Variants in SFI1 observed in about 807,000 individuals in gnomAD.
The protein encoded by SFI1 is SFI1 centrin binding protein.
Under a neutral mutation model 207.5 loss-of-function variants are expected in SFI1, and 195 were observed. The ratio of observed to expected loss-of-function variants is 0.94; its 90% confidence interval spans 0.84 to 1.06. The LOEUF (loss-of-function observed/expected upper bound fraction) is 1.06, where lower values mean the gene tolerates loss of function less well. SFI1 is among the 50% of genes least tolerant of loss of function. The pLI is 0.00. For synonymous variants in SFI1, 630 were observed against 598.9 expected, an observed-to-expected ratio of 1.05 and a Z score of -0.76; for missense variants, 1,634 against 1,588.0, an observed-to-expected ratio of 1.03 and a Z score of -0.49.
chr22:31,544,729 T>C (rs1160816298), intron 4 of SFI1, among the ~76,000 whole-genome samples: 2 of 152,156 alleles, frequency 1.3e-5, no homozygotes, highest in Non-Finnish European at 2.9e-5. Flanking sequence ...CATTCCAGCC[T>C]GGGCAACAGA....
chr22:31,607,441 A>G (rs931713538), intron 21 of SFI1, among the ~76,000 whole-genome samples: 28 of 152,026 alleles, frequency 1.8e-4, no homozygotes, highest in African/African-American at 6.5e-4. Context: ...CGTCTCTACT[A>G]AAAATACAGA....
In SFI1 at chr22:31,531,092, C is replaced by T. The variant is rs1461782109; in HGVS notation, c.301C>T (p.Arg101Ter). ...CAGAAAGTTCTTATATTTATGGATT[C>T]GAATGACTTTTGGAAGAGTATTTCC... Reference protein sequence around the residue: ...VARKFLYLWIRMTFGRVFPSK... With the variant: ...VARKFLYLWI The change falls in exon 4 of 33, where the codon CGA becomes TGA. Residue 101 changes from arginine to a stop codon, truncating the protein, a stop_gained. Coordinates refer to ENST00000400288, the MANE Select transcript of SFI1 (RefSeq NM_001007467.3). LOFTEE classifies it high-confidence loss of function. The T allele has an allele frequency of 3.1e-6, 5 of 1,613,518 alleles. No individual in the cohort carries two copies. The Admixed American group carries it at 5.0e-5, about 16-fold the overall frequency.
intron 20 of SFI1, 193 bp from the exon 21 acceptor site, chr22:31,606,135 C>A: frequency 1.7e-6 from 1 of 597,862 alleles, no homozygotes; most frequent in Non-Finnish European, 3.0e-6. Context: ...TGGTGCCCAG[C>A]CCAGAGCAGC....
In SFI1 at chr22:31,528,952, A is replaced by G; in HGVS notation, c.266+89A>G. 3.8e-6 allele frequency: 5 copies of G among 1,328,356 alleles called. No homozygotes were observed. In the South Asian group the frequency reaches 5.5e-5, roughly 15 times the overall value. The allele number at this position is 1,328,356 out of a possible 1,614,324, so 82.3% of individuals were successfully genotyped here. Reference sequence around the variant, plus strand: ...ATGGGGGAATGATTCTTATTCTTCCACCGCAATTAGTGGGAGATCTTGATG... The same window carrying G: ...ATGGGGGAATGATTCTTATTCTTCCGCCGCAATTAGTGGGAGATCTTGATG... On this transcript the variant is annotated intron_variant, in intron 3 of 32. Transcript: ENST00000400288.
At chr22:31,562,626 GT>G (rs1017409100) in intron 8 of SFI1, among the ~76,000 whole-genome samples, 3 of 137,078 alleles carry the variant, frequency 2.2e-5, no homozygotes, top group Non-Finnish European at 4.7e-5. Flanking sequence ...TTAGAGCCAG[GT>G]TTTTTTATTT....
Position 31,583,976 on chromosome 22 carries a change from G to A in SFI1, c.1346+4G>A. The A allele has an allele frequency of 6.2e-7, 1 of 1,612,216 alleles. No individual in the cohort carries two copies. The highest frequency in any genetic ancestry group is 8.5e-7 in the Non-Finnish European group (1 of 1,178,458). ...ATGCTGCCTGGGACCACTACAGGTAGGGACTCTGGTTTCATCCCTGGCTCT... is the reference window on the plus strand; with the variant it reads ...ATGCTGCCTGGGACCACTACAGGTAAGGACTCTGGTTTCATCCCTGGCTCT... On this transcript the variant is annotated splice_donor_region_variant and intron_variant, in intron 13 of 32. Coordinates refer to ENST00000400288, the MANE Select transcript of SFI1 (RefSeq NM_001007467.3).
chr22:31,599,101 C>CT (rs572663534), intron 15 of SFI1, among the ~76,000 whole-genome samples: 35 of 149,114 alleles, frequency 2.3e-4, no homozygotes, highest in East Asian at 6.1e-4. Context: ...CCAATTTATC[C>CT]TTTTTTTTTA....
intron 15 of SFI1, among the ~76,000 whole-genome samples, chr22:31,600,019 A>C (rs1347831297): frequency 6.6e-6 from 1 of 151,920 alleles, no homozygotes; most frequent in Non-Finnish European, 1.5e-5. Context: ...CACCACCCCC[A>C]ACCAGTGGTA....
chr22:31,564,056 G>A (rs893618087), intron 8 of SFI1, among the ~76,000 whole-genome samples: 4 of 151,672 alleles, frequency 2.6e-5, no homozygotes, highest in Admixed American at 6.6e-5. Context: ...GGCCAGGCGC[G>A]GTGGCTCACA....
At chr22:31,548,357 G>A (rs988171614) in intron 5 of SFI1, among the ~76,000 whole-genome samples, 3 of 151,680 alleles carry the variant, frequency 2.0e-5, no homozygotes, top group East Asian at 1.9e-4. Context: ...ATCACTTGAC[G>A]TTAGGAGTTC....
At chr22:31,589,191 A>T (rs932563280) in intron 14 of SFI1, among the ~76,000 whole-genome samples, 17 of 120,008 alleles carry the variant, frequency 1.4e-4, no homozygotes, top group African/African-American at 5.4e-4. Flanking sequence ...AGAGTGAGTG[A>T]GAGTGTGTGT....
Position 31,561,307 on chromosome 22 carries a change from G to C in SFI1, c.680G>C (p.Trp227Ser). The change falls in exon 8 of 33, where the codon TGG (tryptophan) becomes TCG (serine). Residue 227 changes from tryptophan to serine, a missense_variant. Transcript: ENST00000400288. Reference protein sequence around the residue: ...RIILRVWWSTWRQRLGQVRVS... With the variant: ...RIILRVWWSTSRQRLGQVRVS... Reference sequence around the variant, plus strand: ...TTTCACAGGGTGTGGTGGAGCACGTGGAGGCAGCGACTAGGACAGGTCCGT... The same window carrying C: ...TTTCACAGGGTGTGGTGGAGCACGTCGAGGCAGCGACTAGGACAGGTCCGT... The C allele has an allele frequency of 6.2e-7, 1 of 1,614,044 alleles. No individual in the cohort carries two copies. Among genetic ancestry groups the C allele is most frequent in the East Asian group, 2.2e-5 (1 of 44,886 alleles).
chr22:31,589,025 ATATAT>A (rs1444316425), intron 14 of SFI1, among the ~76,000 whole-genome samples: 1 of 152,154 alleles, frequency 6.6e-6, no homozygotes, highest in Non-Finnish European at 1.5e-5. Flanking sequence ...AAATCAAAAG[ATATAT>A]TATGGGGTGG....
At chr22:31,592,980 G>GGGGGCTGACCCCCCCACCT (rs1259681162) in intron 15 of SFI1, among the ~76,000 whole-genome samples, 3 of 124,434 alleles carry the variant, frequency 2.4e-5, no homozygotes, top group Non-Finnish European at 3.4e-5. Flanking sequence ...TGGCCGGGCG[G>GGGGGCTGACCCCCCCACCT]GGGGCTGACC....
chr22:31,573,494 G>A (rs2063163909), intron 9 of SFI1, among the ~76,000 whole-genome samples: 2 of 150,392 alleles, frequency 1.3e-5, no homozygotes, highest in East Asian at 2.0e-4. Context: ...CTGGAGTGCA[G>A]TGGCGCAATC....
At position 31,614,616 on chromosome 22, in the gene SFI1, G is replaced by A. The variant is rs367975035; in HGVS notation, c.2997-173G>A. ...AGTCCCCTGGCGTCAGGTACCTTTT[G>A]TCGGAACTGCTGGGAGCTCTATGGC... is the stretch of plus-strand genomic sequence containing the variant. On this transcript the variant is annotated intron_variant, in intron 27 of 32. Transcript: ENST00000400288. 16 of 736,558 alleles carry A rather than the reference G, an allele frequency of 2.2e-5. No individual in the cohort carries two copies. In the East Asian group the frequency reaches 3.2e-4, roughly 15 times the overall value. The allele number at this position is 736,558 out of a possible 1,614,324, so 45.6% of individuals were successfully genotyped here.
intron 15 of SFI1, among the ~76,000 whole-genome samples, chr22:31,597,981 G>GTTT (rs538696335): frequency 5.6e-5 from 8 of 144,120 alleles, no homozygotes; most frequent in South Asian, 2.2e-4. Flanking sequence ...GTTTTCATAG[G>GTTT]TTTTTTTTTT....
intron 19 of SFI1, 24 bp from the exon 20 acceptor site, chr22:31,604,845 C>T (rs749567894): frequency 1.8e-5 from 29 of 1,604,994 alleles, no homozygotes; most frequent in Non-Finnish European, 1.7e-5. Flanking sequence ...CAAGAGCAGC[C>T]TCAGTCTTCC....
intron 4 of SFI1, among the ~76,000 whole-genome samples, chr22:31,539,769 G>GCAATGGCATAATCTCAGCC (rs2059311130): frequency 6.6e-6 from 1 of 151,864 alleles, no homozygotes; most frequent in Non-Finnish European, 1.5e-5. Context: ...AGGCTAGAGT[G>GCAATGGCATAATCTCAGCC]CAATGGCATA....
Sources: allele counts gnomAD v4.1 joint callset (sites outside exome capture counted in the v4.1 genomes callset), GRCh38; gene constraint gnomAD v4.1.1; transcripts MANE v1.5; gene names NCBI Gene and HGNC (gene_info 2026-07-23, HGNC 2026-07-21).